The following CDH12 variants were observed in gnomAD, a reference collection of about 807,000 sequenced individuals.
The protein encoded by CDH12 is cadherin-12.
In CDH12, 41 loss-of-function variants were observed where a neutral mutation model predicts 74.1. That is an observed-to-expected ratio of 0.55 (90% confidence interval 0.43 to 0.72). CDH12 has a LOEUF of 0.72. CDH12 is among the 30% of genes least tolerant of loss of function. CDH12 has a pLI of 0.00. For missense variants in CDH12, 945 were observed against 977.2 expected, an observed-to-expected ratio of 0.97 and a Z score of 0.44; for synonymous variants, 399 against 355.0, an observed-to-expected ratio of 1.12 and a Z score of -1.39.
intron 1 of CDH12, among the ~76,000 whole-genome samples, chr5:22,509,207 T>A (rs1196152961): frequency 6.6e-6 from 1 of 152,182 alleles, no homozygotes; most frequent in Non-Finnish European, 1.5e-5. Context: ...TGTTACTTAA[T>A]AATGAAACTC....
At chr5:21,753,890 CAGAA>C (rs1282111124) in intron 14 of CDH12, among the ~76,000 whole-genome samples, 1 of 151,904 alleles carries the variant, frequency 6.6e-6, no homozygotes, top group Non-Finnish European at 1.5e-5. Context: ...AAATAACAAA[CAGAA>C]AGAGTTTCTC....
chr5:22,272,533 A>T (rs2150401130), intron 3 of CDH12, among the ~76,000 whole-genome samples: 1 of 152,308 alleles, frequency 6.6e-6, no homozygotes, highest in East Asian at 1.9e-4. Flanking sequence ...GGTTTCAACT[A>T]TTTCAACTTT....
At chr5:21,854,923 G>T in intron 6 of CDH12, 133 bp from the exon 7 acceptor site, 1 of 646,682 alleles carries the variant, frequency 1.5e-6, no homozygotes, top group Non-Finnish European at 2.5e-6. Flanking sequence ...TGATGTCACT[G>T]AGGATAGTTT....
chr5:21,850,812 C>A (rs4276375), intron 7 of CDH12, among the ~76,000 whole-genome samples: 7,539 of 151,222 alleles, frequency 0.05, 272 homozygotes, highest in Middle Eastern at 0.13. Flanking sequence ...GTATCTCATG[C>A]AACTCTATTC....
At chr5:22,346,899 A>C (rs1259526134) in intron 3 of CDH12, among the ~76,000 whole-genome samples, 1 of 152,204 alleles carries the variant, frequency 6.6e-6, no homozygotes, top group Non-Finnish European at 1.5e-5. Context: ...AAAGAAGAAA[A>C]GAAAAAAACC....
chr5:21,972,387 T>C (rs1158745537), intron 6 of CDH12, among the ~76,000 whole-genome samples: 2 of 152,204 alleles, frequency 1.3e-5, no homozygotes, highest in East Asian at 1.9e-4. Flanking sequence ...ACTGTCAATA[T>C]ACCATACAAA....
At chr5:22,233,316 A>G (rs1159935080) in intron 3 of CDH12, among the ~76,000 whole-genome samples, 3 of 151,950 alleles carry the variant, frequency 2.0e-5, no homozygotes, top group East Asian at 1.9e-4. Context: ...ATATATATAT[A>G]TAGTTAAATT....
chr5:21,751,620 GTGTGTGTGTGTT>G lies in CDH12; in HGVS notation c.*105_*116del, dbSNP rs1561149597. On this transcript the variant is annotated 3_prime_UTR_variant, in exon 15 of 15. Transcript: ENST00000382254. ...GAATCTTGTCCCAGAGTGTGTGTGT[GTGTGTGTGTGTT>G]TGTGTGTGTGTGTGTGTGTGAGAGA... The G allele has an allele frequency of 3.3e-5, 23 of 687,864 alleles. No individual in the cohort carries two copies. Among genetic ancestry groups the G allele is most frequent in the Admixed American group, 8.1e-5 (3 of 37,044 alleles). 42.6% of individuals were successfully genotyped at this position (687,864 alleles called of 1,614,324 possible).
intron 3 of CDH12, among the ~76,000 whole-genome samples, chr5:22,237,114 A>T (rs1371148340): frequency 2.0e-5 from 3 of 152,130 alleles, no homozygotes; most frequent in Non-Finnish European, 4.4e-5. Context: ...TAGGACTGGC[A>T]TCACAGTTAG....
chr5:22,647,277 G>A (rs1262199316), intron 1 of CDH12, among the ~76,000 whole-genome samples: 2 of 151,672 alleles, frequency 1.3e-5, no homozygotes, highest in Non-Finnish European at 3.0e-5. Context: ...GGTAGGTAAG[G>A]ACTGGCTCAT....
At chr5:21,923,377 T>C (rs1228433153) in intron 6 of CDH12, among the ~76,000 whole-genome samples, 1 of 152,138 alleles carries the variant, frequency 6.6e-6, no homozygotes, top group Admixed American at 6.5e-5. Context: ...AATTAACTTT[T>C]ATTGAACCCT....
intron 3 of CDH12, among the ~76,000 whole-genome samples, chr5:22,284,397 G>A (rs916301990): frequency 6.6e-6 from 1 of 152,092 alleles, no homozygotes. Flanking sequence ...CAGGTCTGTG[G>A]TCTCATCTGA....
intron 1 of CDH12, among the ~76,000 whole-genome samples, chr5:22,637,018 G>A (rs1490865473): frequency 6.6e-6 from 1 of 152,154 alleles, no homozygotes; most frequent in African/African-American, 2.4e-5. Flanking sequence ...GTTATCTATA[G>A]TACATGACTA....
intron 10 of CDH12, among the ~76,000 whole-genome samples, chr5:21,783,760 A>G (rs535074876): frequency 6.6e-6 from 1 of 152,270 alleles, no homozygotes; most frequent in Non-Finnish European, 1.5e-5. Context: ...TAAAATTCTA[A>G]AGCTGACCAT....
intron 1 of CDH12, among the ~76,000 whole-genome samples, chr5:22,665,323 C>T (rs1740560032): frequency 2.6e-5 from 4 of 152,064 alleles, no homozygotes; most frequent in Admixed American, 2.0e-4. Flanking sequence ...AATTTTCTAG[C>T]TGAAATTTTT....
chr5:22,592,368 T>C (rs555805246), intron 1 of CDH12, among the ~76,000 whole-genome samples: 3 of 152,286 alleles, frequency 2.0e-5, no homozygotes, highest in African/African-American at 7.2e-5. Flanking sequence ...CTAAATTTCA[T>C]CTGCACTTTC....
At chr5:22,395,637 T>C (rs1315936160) in intron 3 of CDH12, among the ~76,000 whole-genome samples, 1 of 152,054 alleles carries the variant, frequency 6.6e-6, no homozygotes, top group African/African-American at 2.4e-5. Context: ...ATATAAGATA[T>C]GTCTAATATA....
Position 22,078,790 on chromosome 5 carries a change from C to T in CDH12, c.-114G>A. The T allele has an allele frequency of 1.4e-6, 2 of 1,474,796 alleles. No individual in the cohort carries two copies. The highest frequency in any genetic ancestry group is 1.8e-6 in the Non-Finnish European group (2 of 1,118,648). 91.4% of individuals were successfully genotyped at this position (1,474,796 alleles called of 1,614,324 possible). On this transcript the variant is annotated 5_prime_UTR_variant, in exon 5 of 15. Coordinates refer to ENST00000382254, the MANE Select transcript of CDH12 (RefSeq NM_004061.5). ...CACCACTTAGCTTCTTGTTTTATTG[C>T]AGAAATGATGATGCAGGCATTAATC...
At chr5:22,500,220 T>C (rs571351560) in intron 2 of CDH12, among the ~76,000 whole-genome samples, 4 of 152,174 alleles carry the variant, frequency 2.6e-5, no homozygotes, top group Non-Finnish European at 5.9e-5. Flanking sequence ...CTCATTTGAA[T>C]CCAAAGACCT....
Sources: gnomAD v4.1 joint callset for allele counts (sites outside exome capture counted in the v4.1 genomes callset) on GRCh38, gnomAD v4.1.1 for gene constraint, MANE v1.5 for transcripts, NCBI Gene and HGNC (gene_info 2026-07-23, HGNC 2026-07-21) for gene names.